CR1L: variants seen among roughly 807,000 people sequenced by gnomAD.
The protein encoded by CR1L is complement C3b/C4b receptor 1 like.
Under a neutral mutation model 62.3 loss-of-function variants are expected in CR1L, and 59 were observed. That is an observed-to-expected ratio of 0.95 (90% confidence interval 0.77 to 1.18). The LOEUF (loss-of-function observed/expected upper bound fraction) is 1.18, where lower values mean the gene tolerates loss of function less well. CR1L is among the 50% of genes most tolerant of loss of function. CR1L has a pLI of 0.00. For missense variants in CR1L, 700 were observed against 702.8 expected (o/e 1.00, Z 0.04); for synonymous variants, 279 against 248.7 (o/e 1.12, Z -1.15).
intron 9 of CR1L, among the ~76,000 whole-genome samples, chr1:207,705,073 T>G: frequency 6.6e-6 from 1 of 152,216 alleles, no homozygotes; most frequent in African/African-American, 2.4e-5. Flanking sequence ...GCCCCAGGCC[T>G]TCCTTGGAGT....
intron 10 of CR1L, chr1:207,710,716 A>G: frequency 1.9e-6 from 3 of 1,609,432 alleles, no homozygotes; most frequent in Non-Finnish European, 1.7e-6. Flanking sequence ...TCATGAAAGG[A>G]CCCCCCGCAC....
Position 207,723,600 on chromosome 1 carries a change from C to T in CR1L, c.1643-18C>T, listed in dbSNP as rs761473337. 1.3e-6 allele frequency: 2 copies of T among 1,581,952 alleles called. No individual in the cohort carries two copies. On this transcript the variant is annotated intron_variant, in intron 11 of 11. Transcript: ENST00000508064. ...GCATGCCAGAGTGATGTTTTTGTGA[C>T]TTTTGTCTTCCTTTTAGGTTCACAT...
chr1:207,688,954 A>G (rs913177571), intron 4 of CR1L, among the ~76,000 whole-genome samples: 1 of 152,148 alleles, frequency 6.6e-6, no homozygotes, highest in African/African-American at 2.4e-5. Context: ...TAATTATGTC[A>G]TCTATGAATC....
intron 8 of CR1L, among the ~76,000 whole-genome samples, chr1:207,700,599 T>C (rs996587989): frequency 1.1e-4 from 17 of 152,242 alleles, no homozygotes; most frequent in Non-Finnish European, 2.1e-4. Flanking sequence ...CATTTGGAGT[T>C]TTTTATAATG....
chr1:207,716,143 G>A (rs1434682359), intron 10 of CR1L, among the ~76,000 whole-genome samples: 2 of 152,122 alleles, frequency 1.3e-5, no homozygotes, highest in African/African-American at 4.8e-5. Context: ...GAATAGTGAA[G>A]CCACCTCCCT....
chr1:207,676,093 A>T lies in CR1L; in HGVS notation c.98-1296A>T, dbSNP rs920907107. On this transcript the variant is annotated intron_variant, in intron 1 of 11. Transcript: ENST00000508064. The stretch of plus-strand genomic sequence containing the variant: ...TTACACTCATACTTTACAAGAAAGT[A>T]TGATAAATGAGGATGGGAGAGAAGC... 5.9e-5 allele frequency among the ~76,000 whole-genome samples: 9 copies of T among 152,226 alleles called. No homozygotes were observed. In the East Asian group the frequency reaches 1.7e-3, roughly 29 times the overall value.
Position 207,701,567 on chromosome 1 carries a change from T to C in CR1L, c.1277T>C (p.Val426Ala). 2 of 1,613,876 alleles carry C rather than the reference T, an allele frequency of 1.2e-6. No homozygotes were observed. Among genetic ancestry groups the C allele is most frequent in the South Asian group, 2.2e-5 (2 of 91,090 alleles). ...GTTCCAGTGAATGGCATGGTGCATG[T>C]GATCACAGACATCCATGTTGGATCC... The part of the protein sequence containing the change: ...PPVPVNGMVH[V>A]ITDIHVGSRI... Residue 426 changes from valine (V) to alanine (A), a missense_variant, in exon 9 of 12, where the codon GTG becomes GCG. Val to Ala is a moderately conservative substitution (Grantham distance 64). Transcript: ENST00000508064.
chr1:207,653,147 C>G (rs1663255109), intron 1 of CR1L: 1 of 169,832 alleles, frequency 5.9e-6, no homozygotes, highest in Admixed American at 6.2e-5. Flanking sequence ...GACTTATGAG[C>G]TAGGTTATCA....
chr1:207,683,994 T>C (rs1193148887), intron 4 of CR1L, 37 bp downstream of exon 4: 1 of 1,573,438 alleles, frequency 6.4e-7, no homozygotes, highest in Non-Finnish European at 8.7e-7. Context: ...CTTTTACCGA[T>C]ACATTCTAAT....
intron 3 of CR1L, among the ~76,000 whole-genome samples, chr1:207,682,455 A>C (rs11577168): frequency 0.099 from 15,110 of 152,134 alleles, 1,193 homozygotes; most frequent in East Asian, 0.38. Context: ...GTGAAACTCT[A>C]TCTCAAAAAT....
At chr1:207,662,858 T>G (rs1663446803) in intron 1 of CR1L, among the ~76,000 whole-genome samples, 1 of 152,262 alleles carries the variant, frequency 6.6e-6, no homozygotes, top group South Asian at 2.1e-4. Context: ...TTAGTTTTCC[T>G]TCTAACAGTC....
At chr1:207,710,598 C>G in intron 10 of CR1L, 1 of 1,610,110 alleles carries the variant, frequency 6.2e-7, no homozygotes, top group Non-Finnish European at 8.5e-7. Context: ...TGCATTATAC[C>G]TAACAAATGC....
chr1:207,710,880 G>C (rs1364784084), intron 10 of CR1L: 12 of 1,238,232 alleles, frequency 9.7e-6, no homozygotes, highest in Non-Finnish European at 1.4e-5. Flanking sequence ...GATGTATGTT[G>C]AGGAGGGTGG....
At chr1:207,657,419 C>T in intron 1 of CR1L, 1 of 606,136 alleles carries the variant, frequency 1.6e-6, no homozygotes, top group Non-Finnish European at 3.0e-6. Flanking sequence ...GTGCTTCCTC[C>T]TCCTGTGTAA....
chr1:207,695,035 A>AT (rs1664054700), intron 5 of CR1L, among the ~76,000 whole-genome samples: 1 of 152,198 alleles, frequency 6.6e-6, no homozygotes, highest in African/African-American at 2.4e-5. Context: ...AAAATGAGTG[A>AT]TTCTTCCAGC....
At chr1:207,650,767 A>G (rs1663210135) in intron 1 of CR1L, among the ~76,000 whole-genome samples, 1 of 150,778 alleles carries the variant, frequency 6.6e-6, no homozygotes, top group South Asian at 2.1e-4. Flanking sequence ...GAAGTTGAAC[A>G]GTTCAGTGGA....
chr1:207,674,686 T>C (rs1055721910), intron 1 of CR1L, among the ~76,000 whole-genome samples: 6 of 152,236 alleles, frequency 3.9e-5, no homozygotes, highest in African/African-American at 1.4e-4. Flanking sequence ...GCAAGCTTTG[T>C]TGTGACGTTT....
chr1:207,654,418 A>G (rs1344692720), intron 1 of CR1L, among the ~76,000 whole-genome samples: 1 of 152,216 alleles, frequency 6.6e-6, no homozygotes, highest in East Asian at 1.9e-4. Context: ...AACCTTATTG[A>G]GAAACAATAT....
At chr1:207,664,082 AC>A (rs1431474841) in intron 1 of CR1L, among the ~76,000 whole-genome samples, 3 of 152,192 alleles carry the variant, frequency 2.0e-5, no homozygotes, top group Non-Finnish European at 2.9e-5. Context: ...GAAATAGAGG[AC>A]TTTTTGCAGG....
Sources: gnomAD v4.1 joint callset for allele counts (sites outside exome capture counted in the v4.1 genomes callset) on GRCh38, gnomAD v4.1.1 for gene constraint, MANE v1.5 for transcripts, NCBI Gene and HGNC (gene_info 2026-07-23, HGNC 2026-07-21) for gene names.